Variants in SAMD12 observed in about 807,000 individuals in gnomAD.
The protein encoded by SAMD12 is sterile alpha motif domain containing 12, also known as sterile alpha motif domain-containing protein 12.
SAMD12 carries 9 observed loss-of-function variants against 15.0 expected under a neutral mutation model. The ratio of observed to expected loss-of-function variants is 0.60; its 90% CI spans 0.36 to 1.05. The LOEUF (loss-of-function observed/expected upper bound fraction) is 1.05, where lower values mean the gene tolerates loss of function less well. SAMD12 is among the 50% of genes least tolerant of loss of function. SAMD12 has a pLI of 0.01. For missense variants in SAMD12, 230 were observed against 234.2 expected, an observed-to-expected ratio of 0.98 and a Z score of 0.12; for synonymous variants, 86 against 90.1, an observed-to-expected ratio of 0.96 and a Z score of 0.25.
In SAMD12 at chr8:118,380,176, G is replaced by A. The variant is rs1011108630; in HGVS notation, c.323-476C>T. On this transcript the variant is annotated intron_variant, in intron 3 of 3. Transcript: ENST00000314727. The stretch of plus-strand genomic sequence containing the variant: ...GAAACTCTAGCAATGTGTAACACAG[G>A]ATATAATAACATTTCTGAGAAATAT... Among the ~76,000 whole-genome samples, 16 of 152,250 alleles carry A rather than the reference G, an allele frequency of 1.1e-4. No individual in the cohort carries two copies. The East Asian group carries it at 1.4e-3, about 13-fold the overall frequency.
intron 2 of SAMD12, among the ~76,000 whole-genome samples, chr8:118,450,815 C>T (rs1586727836): frequency 6.6e-6 from 1 of 152,004 alleles, no homozygotes; most frequent in African/African-American, 2.4e-5. Flanking sequence ...TGGTGATGGG[C>T]CAGGTTTCTG....
chr8:118,545,284 C>T (rs146517379), intron 2 of SAMD12, among the ~76,000 whole-genome samples: 13 of 152,234 alleles, frequency 8.5e-5, no homozygotes, highest in African/African-American at 2.4e-4. Context: ...CTGGCTAACA[C>T]GGTGAAATCT....
At chr8:118,469,035 T>C (rs1032120122) in intron 2 of SAMD12, among the ~76,000 whole-genome samples, 2 of 152,172 alleles carry the variant, frequency 1.3e-5, no homozygotes, top group African/African-American at 4.8e-5. Context: ...TCTTTCTGCC[T>C]GGAAGGCAGC....
chr8:118,187,419 C>T (rs2129713735), downstream of SAMD12, among the ~76,000 whole-genome samples: 1 of 152,226 alleles, frequency 6.6e-6, no homozygotes, highest in East Asian at 1.9e-4. Flanking sequence ...CAACCAGCGC[C>T]AGCTCTTGGC....
chr8:118,293,995 G>GT (rs1814566039), intron 4 of SAMD12, among the ~76,000 whole-genome samples: 1 of 152,186 alleles, frequency 6.6e-6, no homozygotes, highest in African/African-American at 2.4e-5. Context: ...TGAAATCAAA[G>GT]TAACATTTAG....
intron 4 of SAMD12, chr8:118,284,869 G>C (rs1466953659): frequency 6.6e-6 from 1 of 150,542 alleles, no homozygotes; most frequent in Non-Finnish European, 1.5e-5. Flanking sequence ...GTGTACCCAG[G>C]AGGCGGAGCT....
chr8:118,376,270 G>T (rs1399409957), downstream of SAMD12, among the ~76,000 whole-genome samples: 1 of 152,124 alleles, frequency 6.6e-6, no homozygotes, highest in Non-Finnish European at 1.5e-5. Context: ...TAATGCAATT[G>T]TCTAAATGTT....
intron 2 of SAMD12, among the ~76,000 whole-genome samples, chr8:118,539,311 C>T (rs754400142): frequency 2.6e-5 from 4 of 152,184 alleles, no homozygotes; most frequent in African/African-American, 7.2e-5. Flanking sequence ...TTGACACTTT[C>T]GCTAAAGACA....
chr8:118,575,335 C>G (rs143656367), intron 2 of SAMD12, among the ~76,000 whole-genome samples: 1 of 152,354 alleles, frequency 6.6e-6, no homozygotes, highest in African/African-American at 2.4e-5. Context: ...TTATATAATA[C>G]AGCAATCAAG....
At chr8:118,548,558 G>A (rs942619996) in intron 2 of SAMD12, among the ~76,000 whole-genome samples, 5 of 152,192 alleles carry the variant, frequency 3.3e-5, no homozygotes, top group African/African-American at 4.8e-5. Context: ...CAAGATGGCC[G>A]AATAGGAACA....
chr8:118,496,465 T>A (rs1824612600), intron 2 of SAMD12, among the ~76,000 whole-genome samples: 1 of 152,076 alleles, frequency 6.6e-6, no homozygotes, highest in Admixed American at 6.6e-5. Flanking sequence ...TAACAAGCAA[T>A]GGAGAAAGGA....
exon 5 of SAMD12, chr8:118,195,076 C>G (rs550233730): frequency 2.0e-5 from 3 of 152,200 alleles, no homozygotes; most frequent in South Asian, 4.1e-4. Context: ...CCCTCTTCAC[C>G]CATCATCTTT....
intron 2 of SAMD12, among the ~76,000 whole-genome samples, chr8:118,573,459 T>C (rs1204603492): frequency 2.6e-5 from 4 of 152,132 alleles, no homozygotes; most frequent in African/African-American, 9.7e-5. Context: ...ACTAACACAG[T>C]GGGTCAAATG....
At chr8:118,135,525 C>CT in the SAMD12 span, among the ~76,000 whole-genome samples, 1 of 151,120 alleles carries the variant, frequency 6.6e-6, no homozygotes, top group Admixed American at 6.6e-5. Context: ...GGAATTTTTC[C>CT]ATTGGAGAAA....
At chr8:118,439,802 G>A (rs748401097) in intron 3 of SAMD12, 30 bp downstream of exon 3, 4 of 1,605,650 alleles carry the variant, frequency 2.5e-6, no homozygotes, top group East Asian at 2.2e-5. Flanking sequence ...AAGAAAAGGA[G>A]TGAAATATCT....
intron 3 of SAMD12, among the ~76,000 whole-genome samples, chr8:118,432,154 C>T (rs1586711721): frequency 6.6e-6 from 1 of 152,174 alleles, no homozygotes; most frequent in African/African-American, 2.4e-5. Flanking sequence ...ATATAGTTTA[C>T]ATTTTGCATT....
At chr8:118,387,995 G>A (rs1468088888) in intron 3 of SAMD12, among the ~76,000 whole-genome samples, 1 of 152,116 alleles carries the variant, frequency 6.6e-6, no homozygotes, top group African/African-American at 2.4e-5. Context: ...TAGTAGACAA[G>A]GATAAATAAG....
At chr8:118,513,011 T>A (rs543706030) in intron 2 of SAMD12, among the ~76,000 whole-genome samples, 61 of 70,222 alleles carry the variant, frequency 8.7e-4, no homozygotes, top group South Asian at 6.3e-3. Context: ...ATACTTATAT[T>A]TTTTTTTTTT....
At chr8:118,175,143 C>T in the SAMD12 span, among the ~76,000 whole-genome samples, 6 of 151,634 alleles carry the variant, frequency 4.0e-5, no homozygotes, top group African/African-American at 7.3e-5. Flanking sequence ...AAAACAGACA[C>T]ATAGACCCAT....
Sources: allele counts gnomAD v4.1 joint callset (sites outside exome capture counted in the v4.1 genomes callset), GRCh38; gene constraint gnomAD v4.1.1; transcripts MANE v1.5; gene names NCBI Gene and HGNC (gene_info 2026-07-23, HGNC 2026-07-21).